The following CNTNAP2 variants were observed in gnomAD, a reference collection of about 807,000 sequenced individuals.
CNTNAP2 encodes contactin associated protein 2, also known as contactin-associated protein-like 2.
A neutral mutation model predicts 155.2 loss-of-function variants in CNTNAP2; 98 were observed. That is an observed-to-expected ratio of 0.63 (90% CI 0.54 to 0.75). CNTNAP2 has a LOEUF of 0.75. CNTNAP2 is among the 30% of genes least tolerant of loss of function. The pLI is 0.00. For missense variants in CNTNAP2, 1,727 were observed against 1,688.1 expected (o/e 1.02, Z -0.40); for synonymous variants, 651 against 631.2 (o/e 1.03, Z -0.47).
intron 1 of CNTNAP2, among the ~76,000 whole-genome samples, chr7:146,588,576 T>C (rs551309734): frequency 1.3e-5 from 2 of 152,190 alleles, no homozygotes; most frequent in South Asian, 4.2e-4. Context: ...GCATTATCAC[T>C]GCTCATTGCA....
At chr7:146,420,746 C>A (rs1257466069) in intron 1 of CNTNAP2, among the ~76,000 whole-genome samples, 1 of 151,976 alleles carries the variant, frequency 6.6e-6, no homozygotes, top group Non-Finnish European at 1.5e-5. Context: ...GTAATGTATT[C>A]ATGATATTAC....
intron 1 of CNTNAP2, among the ~76,000 whole-genome samples, chr7:146,482,550 C>T (rs993016802): frequency 5.9e-5 from 9 of 151,874 alleles, no homozygotes; most frequent in African/African-American, 2.2e-4. Flanking sequence ...TGAGACCATC[C>T]TGGCCAACAT....
intron 1 of CNTNAP2, among the ~76,000 whole-genome samples, chr7:146,260,743 A>G (rs79749101): frequency 0.013 from 2,013 of 152,342 alleles, 24 homozygotes; most frequent in Non-Finnish European, 0.02. Context: ...AAAGGCTTAT[A>G]GAAGGAAGGG....
chr7:148,026,026 G>A (rs1028455356), intron 15 of CNTNAP2, among the ~76,000 whole-genome samples: 1 of 152,150 alleles, frequency 6.6e-6, no homozygotes, highest in African/African-American at 2.4e-5. Flanking sequence ...AGGACTTTTT[G>A]ACCTGAAAGG....
chr7:146,591,305 C>G (rs1798778889), intron 1 of CNTNAP2, among the ~76,000 whole-genome samples: 1 of 152,118 alleles, frequency 6.6e-6, no homozygotes, highest in Non-Finnish European at 1.5e-5. Flanking sequence ...GGATACTCAG[C>G]CTGTACTCCC....
chr7:146,937,262 G>A (rs771877828), intron 3 of CNTNAP2, among the ~76,000 whole-genome samples: 25 of 151,294 alleles, frequency 1.7e-4, no homozygotes, highest in Admixed American at 4.0e-4. Context: ...GTGGTGGCAC[G>A]CGCCTGTAGT....
intron 13 of CNTNAP2, among the ~76,000 whole-genome samples, chr7:147,874,020 G>T (rs576850006): frequency 6.6e-6 from 1 of 152,196 alleles, no homozygotes; most frequent in East Asian, 1.9e-4. Context: ...GATGCCAAAG[G>T]TTGGCTCACA....
intron 1 of CNTNAP2, among the ~76,000 whole-genome samples, chr7:146,437,309 C>T (rs1237115251): frequency 1.3e-5 from 2 of 151,326 alleles, no homozygotes; most frequent in Admixed American, 6.6e-5. Flanking sequence ...ATGTTGGGGA[C>T]GACTGTTCTA....
Position 147,166,846 on chromosome 7 carries a change from G to T in CNTNAP2, c.1348+34337G>T, listed in dbSNP as rs965000632. The stretch of plus-strand genomic sequence containing the variant: ...CAATGTCATCAATTAAGACAGGAAC[G>T]GCCATCTGGATGTGTACATGCAGGT... On this transcript the variant is annotated intron_variant, in intron 8 of 23. Transcript: ENST00000361727. Among the ~76,000 whole-genome samples, 6 of 152,200 alleles carry T rather than the reference G, an allele frequency of 3.9e-5. No individual in the cohort carries two copies. In the South Asian group the frequency reaches 1.2e-3, roughly 32 times the overall value.
intron 13 of CNTNAP2, among the ~76,000 whole-genome samples, chr7:147,828,071 G>A (rs550530469): frequency 8.5e-5 from 13 of 152,100 alleles, no homozygotes; most frequent in East Asian, 1.9e-4. Flanking sequence ...GATCATCAAC[G>A]AATGAAGAAA....
At chr7:146,482,161 A>G (rs1796969105) in intron 1 of CNTNAP2, among the ~76,000 whole-genome samples, 1 of 147,678 alleles carries the variant, frequency 6.8e-6, no homozygotes, top group African/African-American at 2.5e-5. Flanking sequence ...AAAATTGACA[A>G]GCTGAATCTA....
intron 15 of CNTNAP2, among the ~76,000 whole-genome samples, chr7:148,009,048 A>G (rs138847386): frequency 6.6e-6 from 1 of 152,352 alleles, no homozygotes; most frequent in Non-Finnish European, 1.5e-5. Context: ...ATTTCTGTAT[A>G]GATACTTCTG....
At chr7:148,169,875 G>T (rs1182037881) in intron 17 of CNTNAP2, among the ~76,000 whole-genome samples, 1 of 152,104 alleles carries the variant, frequency 6.6e-6, no homozygotes, top group Non-Finnish European at 1.5e-5. Flanking sequence ...CAAGAGAATT[G>T]CTTGAACCCG....
intron 1 of CNTNAP2, among the ~76,000 whole-genome samples, chr7:146,373,138 A>G (rs959373053): frequency 1.3e-5 from 2 of 152,166 alleles, no homozygotes; most frequent in African/African-American, 4.8e-5. Flanking sequence ...CTCAGGGCAA[A>G]TAGATCCACC....
intron 14 of CNTNAP2, among the ~76,000 whole-genome samples, chr7:147,919,575 C>T (rs1289471956): frequency 4.0e-5 from 6 of 150,880 alleles, no homozygotes; most frequent in African/African-American, 1.5e-4. Flanking sequence ...TCTCTTGCCT[C>T]AGCCTCCCAA....
chr7:146,259,382 A>T (rs1226353570), intron 1 of CNTNAP2, among the ~76,000 whole-genome samples: 1 of 152,146 alleles, frequency 6.6e-6, no homozygotes, highest in African/African-American at 2.4e-5. Context: ...GGCTCTGAAG[A>T]AGGCAGGAAG....
chr7:147,031,337 CTT>C (rs1348113486), intron 3 of CNTNAP2, among the ~76,000 whole-genome samples: 1 of 152,078 alleles, frequency 6.6e-6, no homozygotes, highest in African/African-American at 2.4e-5. Context: ...TTGTCAATAT[CTT>C]AGAAATTCAA....
intron 13 of CNTNAP2, 21 bp from the exon 14 acceptor site, chr7:147,903,544 T>A: frequency 6.2e-7 from 1 of 1,614,102 alleles, no homozygotes; most frequent in Non-Finnish European, 8.5e-7. Context: ...TTTCTAAATA[T>A]ACCTTTGCCT....
chr7:146,958,257 C>T (rs1174798008), intron 3 of CNTNAP2, among the ~76,000 whole-genome samples: 1 of 152,072 alleles, frequency 6.6e-6, no homozygotes, highest in Admixed American at 6.6e-5. Flanking sequence ...TAGAACCTAT[C>T]CAGATGGAGG....
Sources: allele counts gnomAD v4.1 joint callset (sites outside exome capture counted in the v4.1 genomes callset), GRCh38; gene constraint gnomAD v4.1.1; transcripts MANE v1.5; gene names NCBI Gene and HGNC (gene_info 2026-07-23, HGNC 2026-07-21).